The following LRP1 variants were observed in gnomAD, a reference collection of about 807,000 sequenced individuals.
LRP1 encodes LDL receptor related protein 1, also known as prolow-density lipoprotein receptor-related protein 1.
A neutral mutation model predicts 541.5 loss-of-function variants in LRP1; 51 were observed. That is an observed-to-expected ratio of 0.09 (90% confidence interval 0.08 to 0.12). The LOEUF is 0.12. LRP1 is among the 10% of genes least tolerant of loss of function. The probability of loss-of-function intolerance (pLI) is 1.00; values close to 1 mark genes in which losing one functional copy is unlikely to be tolerated. For missense variants in LRP1, 3,878 were observed against 6,376.2 expected (o/e 0.61, Z 13.34); for synonymous variants, 2,219 against 2,470.8 (o/e 0.90, Z 3.02).
rs759792497 is a variant in LRP1, at chr12:57,205,180, T to C, written c.11266T>C (p.Ser3756Pro). 6.2e-7 allele frequency: 1 copy of C among 1,613,832 alleles called. No individual in the cohort carries two copies. The highest frequency in any genetic ancestry group is 2.2e-5 in the East Asian group (1 of 44,878). The change falls in exon 73 of 89, where the codon TCC becomes CCC. Residue 3756 changes from serine (S) to proline (P), a missense_variant. This residue lies in a region of LRP1 where 871 missense variants were observed against 1,212.4 expected (regional missense o/e 0.72). Transcript: ENST00000243077. This position sits in a 1 kb window ranked among gnomAD's most constrained non-coding sequence, Gnocchi z 4.6. ...EFLCRNQRCL[S>P]SSLRCNMFDD... Reference sequence around the variant, plus strand: ...TCTGTGCCGGAACCAGCGCTGCCTCTCCTCCTCCCTGCGCTGCAACATGTT... The same window carrying C: ...TCTGTGCCGGAACCAGCGCTGCCTCCCCTCCTCCCTGCGCTGCAACATGTT...
intron 1 of LRP1, among the ~76,000 whole-genome samples, chr12:57,137,421 A>T (rs1036598185): frequency 6.6e-6 from 1 of 152,088 alleles, no homozygotes; most frequent in African/African-American, 2.4e-5. Flanking sequence ...CCTAGAGTTC[A>T]TTTCAGCCAT....
Position 57,156,240 on chromosome 12 carries a change from G to A in LRP1, c.1374G>A (p.Lys458=), listed in dbSNP as rs1367611019. ...ACCAGGTTGTCACCCGGGTGGACAA[G>A]GGTGGTGCCCTCCACATCTACCACC... ...TEYQVVTRVD[K]GGALHIYHQR... The change falls in exon 9 of 89, where the codon AAG becomes AAA. Residue 458 remains lysine, a synonymous_variant. Coordinates refer to ENST00000243077, the MANE Select transcript of LRP1 (RefSeq NM_002332.3). This position sits in a 1 kb window ranked among gnomAD's most constrained non-coding sequence, Gnocchi z 5.2. 1.2e-6 allele frequency: 2 copies of A among 1,614,056 alleles called. No individual in the cohort carries two copies. The highest frequency in any genetic ancestry group is 8.5e-7 in the Non-Finnish European group (1 of 1,180,036).
chr12:57,176,005 G>A lies in LRP1; in HGVS notation c.3890G>A (p.Arg1297His), dbSNP rs775159677. ...TACAGCGTCCTGGTGCCCGGCCTGC[G>A]CAACACCATCGCCCTGGACTTCCAC... ...GDYSVLVPGLRNTIALDFHLS... is the reference protein window; with the variant it reads ...GDYSVLVPGLHNTIALDFHLS... Residue 1297 changes from arginine (R) to histidine (H), a missense_variant, in exon 24 of 89, where the codon CGC (arginine) becomes CAC (histidine). Transcript: ENST00000243077. 4 of 1,614,066 alleles carry A rather than the reference G, an allele frequency of 2.5e-6. No individual in the cohort carries two copies. The highest frequency in any genetic ancestry group is 2.2e-5 in the East Asian group (1 of 44,890).
At chr12:57,138,861 C>A (rs907013519) in intron 2 of LRP1, among the ~76,000 whole-genome samples, 1 of 152,224 alleles carries the variant, frequency 6.6e-6, no homozygotes, top group African/African-American at 2.4e-5. Flanking sequence ...ATGGCCCGGC[C>A]TCCCTTTCCT....
chr12:57,185,902 G>T lies in LRP1; in HGVS notation c.6835G>T (p.Val2279Leu). 1.2e-6 allele frequency: 2 copies of T among 1,612,312 alleles called. No homozygotes were observed. Among genetic ancestry groups the T allele is most frequent in the Non-Finnish European group, 1.7e-6 (2 of 1,178,794 alleles). ...CGATGGCTCCAGGAGGATCACCATT[G>T]TGGAAAGTGAGCCCAGACCCTAAGT... is the stretch of plus-strand genomic sequence containing the variant. ...NDDGSRRITI[V>L]ENVGSVEGLA... is the part of the protein sequence containing the mutation. Residue 2279 changes from valine (V) to leucine (L), a missense_variant, in exon 41 of 89, where the codon GTG becomes TTG. Physicochemically the swap from Val to Leu is conservative, Grantham distance 32. Around this residue, in one of 13 missense-constraint regions of LRP1, gnomAD observed 1,100 missense variants for 1,827.4 expected, o/e 0.60. Coordinates refer to ENST00000243077, the MANE Select transcript of LRP1 (RefSeq NM_002332.3). This position sits in a 1 kb window ranked among gnomAD's most constrained non-coding sequence, Gnocchi z 4.9.
intron 1 of LRP1, among the ~76,000 whole-genome samples, chr12:57,135,492 GT>G (rs1431684089): frequency 6.6e-6 from 1 of 152,180 alleles, no homozygotes; most frequent in Non-Finnish European, 1.5e-5. Flanking sequence ...TCCCAAAGTA[GT>G]TTATTTGTTT....
At position 57,177,356 on chromosome 12, in the gene LRP1, C is replaced by T; in HGVS notation, c.4197-71C>T. 3.8e-6 allele frequency: 6 copies of T among 1,559,728 alleles called. No homozygotes were observed. Among genetic ancestry groups the T allele is most frequent in the Non-Finnish European group, 4.4e-6 (5 of 1,145,230 alleles). Reference sequence around the variant, plus strand: ...GCCATCTGCCTCCTCCCACCCTCTACCTACGATCCCACCACAGTCGCTCCC... The same window carrying T: ...GCCATCTGCCTCCTCCCACCCTCTATCTACGATCCCACCACAGTCGCTCCC... On this transcript the variant is annotated intron_variant, in intron 25 of 88. Coordinates refer to ENST00000243077, the MANE Select transcript of LRP1 (RefSeq NM_002332.3). The surrounding 1 kb of genome is among the most constrained non-coding windows in gnomAD (Gnocchi z 6.8).
rs559279436 is a variant in LRP1 at position 57,202,509 on chromosome 12, C to T, written c.10683C>T (p.Cys3561=). The change falls in exon 68 of 89, where the codon TGC becomes TGT. Residue 3561 remains cysteine, a synonymous_variant. Transcript: ENST00000243077. ...GGCAGTGCGACTACGACAACGATTG[C>T]GGTGACAACTCCGATGAAGAGAGCT... ...GRWQCDYDND[C]GDNSDEESCT... 9 of 1,612,838 alleles carry T rather than the reference C, an allele frequency of 5.6e-6. No individual in the cohort carries two copies. Among genetic ancestry groups the T allele is most frequent in the East Asian group, 4.5e-5 (2 of 44,848 alleles).
chr12:57,204,406 C>T lies in LRP1; in HGVS notation c.10952-4C>T, dbSNP rs1014269445. ...TTCTATCTCTTGGCTCCCCCTGGCA[C>T]CAGTGCGGACCTGCCCCCTGGACGA... On this transcript the variant is annotated splice_polypyrimidine_tract_variant and splice_region_variant and intron_variant, in intron 70 of 88. Coordinates refer to ENST00000243077, the MANE Select transcript of LRP1 (RefSeq NM_002332.3). The surrounding 1 kb of genome is among the most constrained non-coding windows in gnomAD (Gnocchi z 5.3). 1 of 1,518,596 alleles carries T rather than the reference C, an allele frequency of 6.6e-7. No individual in the cohort carries two copies. Among genetic ancestry groups the T allele is most frequent in the African/African-American group, 1.4e-5 (1 of 71,776 alleles). The allele number at this position is 1,518,596 out of a possible 1,614,324, so 94.1% of individuals were successfully genotyped here. A position where few individuals can be genotyped will look rare whatever the true frequency, so the allele number is the denominator to read the frequency against.
intron 82 of LRP1, 56 bp downstream of exon 82, chr12:57,210,536 A>ACCCCC: frequency 1.1e-6 from 1 of 900,642 alleles, no homozygotes. Flanking sequence ...CAGCCCCGCC[A>ACCCCC]CCCACCACCC....
intron 4 of LRP1, chr12:57,144,754 G>A (rs1160646341): frequency 1.4e-5 from 8 of 577,102 alleles, no homozygotes; most frequent in East Asian, 5.8e-5. Flanking sequence ...TCTTCCCTGC[G>A]TGGATGAGTG....
intron 2 of LRP1, among the ~76,000 whole-genome samples, chr12:57,139,449 G>A (rs745581647): frequency 6.6e-6 from 1 of 152,030 alleles, no homozygotes; most frequent in South Asian, 2.1e-4. Context: ...GTATATCTAC[G>A]GCATGGTGCT....
chr12:57,138,859 G>C (rs535174825), intron 2 of LRP1, among the ~76,000 whole-genome samples: 16 of 152,316 alleles, frequency 1.1e-4, no homozygotes, highest in African/African-American at 3.4e-4. Flanking sequence ...AGATGGCCCG[G>C]CCTCCCTTTC....
intron 54 of LRP1, 33 bp from the exon 55 acceptor site, chr12:57,196,054 C>G: frequency 6.2e-7 from 1 of 1,610,224 alleles, no homozygotes; most frequent in Non-Finnish European, 8.5e-7. Flanking sequence ...CTGCCTGAGA[C>G]CCCGCTGACC....
rs559868698 is a variant in LRP1 at position 57,184,272 on chromosome 12, C to T, written c.6060-54C>T. On this transcript the variant is annotated intron_variant, in intron 37 of 88. Coordinates refer to ENST00000243077, the MANE Select transcript of LRP1 (RefSeq NM_002332.3). The surrounding 1 kb of genome is among the most constrained non-coding windows in gnomAD (Gnocchi z 7.8). ...TGCCCATGGCCCATGCTGATGAGGC[C>T]CTGTCTCCTCCAGGGTCTGAGGACT... 121 of 1,613,860 alleles carry T rather than the reference C, an allele frequency of 7.5e-5. No individual in the cohort carries two copies. The African/African-American group carries it at 1.5e-3, about 20-fold the overall frequency.
chr12:57,206,394 G>A lies in LRP1; in HGVS notation c.11591-79G>A. 7.0e-7 allele frequency: 1 copy of A among 1,419,832 alleles called. No individual in the cohort carries two copies. The highest frequency in any genetic ancestry group is 9.8e-7 in the Non-Finnish European group (1 of 1,020,888). The allele number at this position is 1,419,832 out of a possible 1,614,324, so 88.0% of individuals were successfully genotyped here. On this transcript the variant is annotated intron_variant, in intron 75 of 88. Coordinates refer to ENST00000243077, the MANE Select transcript of LRP1 (RefSeq NM_002332.3). The surrounding 1 kb of genome is among the most constrained non-coding windows in gnomAD (Gnocchi z 4.7). ...TGGTCCTACCAGGAGATGGGACAGT[G>A]TTCATGTGAAAGGAGCTGAGCTGGG...
rs80255035 is a variant in LRP1, at chr12:57,152,136, G to C, written c.842-2072G>C. Among the ~76,000 whole-genome samples, 85 of 152,188 alleles carry C rather than the reference G, an allele frequency of 5.6e-4. No individual in the cohort carries two copies. The South Asian group carries it at 7.0e-3, about 13-fold the overall frequency. ...CCAGGCCACATCCTGAGGCTGGGGG[G>C]GCTGATTGTGGAGCTGCACCTGGGA... On this transcript the variant is annotated intron_variant, in intron 6 of 88. Coordinates refer to ENST00000243077, the MANE Select transcript of LRP1 (RefSeq NM_002332.3).
intron 24 of LRP1, among the ~76,000 whole-genome samples, chr12:57,176,460 A>G (rs751038569): frequency 2.0e-5 from 3 of 152,194 alleles, no homozygotes; most frequent in Non-Finnish European, 4.4e-5. Flanking sequence ...GACTTCCTTC[A>G]GTCACACACA....
At chr12:57,163,484 C>T (rs948257231) in intron 15 of LRP1, among the ~76,000 whole-genome samples, 9 of 151,344 alleles carry the variant, frequency 5.9e-5, no homozygotes, top group African/African-American at 1.5e-4. Flanking sequence ...GAGGCTGAGG[C>T]AGGAGAATCA....
Sources: gnomAD v4.1 joint callset for allele counts (sites outside exome capture counted in the v4.1 genomes callset) on GRCh38, gnomAD v4.1.1 for gene constraint, gnomAD v4.1.1 regional missense constraint, Gnocchi (gnomAD v3.1) non-coding constraint, MANE v1.5 for transcripts, NCBI Gene and HGNC (gene_info 2026-07-23, HGNC 2026-07-21) for gene names.